Variants in KY observed in about 807,000 individuals in gnomAD.
KY encodes kyphoscoliosis peptidase.
A neutral mutation model predicts 76.1 loss-of-function variants in KY; 43 were observed. The ratio of observed to expected loss-of-function variants is 0.57; its 90% CI spans 0.44 to 0.73. The LOEUF (loss-of-function observed/expected upper bound fraction) is 0.73. Ranked by LOEUF, KY falls within the 30% of genes least tolerant of loss-of-function variation. The probability of loss-of-function intolerance (pLI) is 0.00; values close to 1 mark genes in which losing one functional copy is unlikely to be tolerated. For missense variants in KY, 722 were observed against 828.9 expected (o/e 0.87, Z 1.58); for synonymous variants, 277 against 326.2 (o/e 0.85, Z 1.63).
chr3:134,643,849 C>G (rs1023045949), intron 2 of KY, among the ~76,000 whole-genome samples: 17 of 130,698 alleles, frequency 1.3e-4, no homozygotes, highest in Admixed American at 1.2e-3. Flanking sequence ...TTTTTTGAGA[C>G]GGAGTCTCGC....
intron 1 of KY, among the ~76,000 whole-genome samples, chr3:134,649,024 T>G (rs775325492): frequency 1.3e-5 from 2 of 152,196 alleles, no homozygotes; most frequent in Non-Finnish European, 2.9e-5. Context: ...GGAAAGGGTC[T>G]GCAGGCTGGC....
chr3:134,616,594 A>G (rs537410999), intron 8 of KY, among the ~76,000 whole-genome samples: 4 of 152,322 alleles, frequency 2.6e-5, no homozygotes, highest in Admixed American at 1.3e-4. Flanking sequence ...CAGTGTGAGG[A>G]ATTTTGCACA....
chr3:134,627,461 T>A (rs1963607196), intron 5 of KY, among the ~76,000 whole-genome samples: 2 of 152,226 alleles, frequency 1.3e-5, no homozygotes, highest in Admixed American at 6.5e-5. Context: ...CATTTAAAGT[T>A]AACATAATCC....
At chr3:134,628,080 C>T in intron 4 of KY, 1 of 538,452 alleles carries the variant, frequency 1.9e-6, no homozygotes, top group Non-Finnish European at 3.4e-6. Context: ...TTAGTATTTG[C>T]TCTGACCTAA....
intron 8 of KY, among the ~76,000 whole-genome samples, chr3:134,611,586 C>T (rs1476899253): frequency 6.6e-6 from 1 of 152,252 alleles, no homozygotes; most frequent in Non-Finnish European, 1.5e-5. Context: ...GTAATAGATA[C>T]ACAACCTGTG....
intron 1 of KY, among the ~76,000 whole-genome samples, chr3:134,648,116 T>C (rs1042151081): frequency 6.6e-6 from 1 of 152,224 alleles, no homozygotes; most frequent in African/African-American, 2.4e-5. Context: ...GTCGAGTTCC[T>C]GGCACAGCAT....
chr3:134,618,099 G>A (rs1253021166), intron 8 of KY, among the ~76,000 whole-genome samples: 1 of 152,132 alleles, frequency 6.6e-6, no homozygotes, highest in Non-Finnish European at 1.5e-5. Flanking sequence ...GGCCTTGAAA[G>A]TGAGAAAAGG....
intron 10 of KY, chr3:134,607,400 C>T (rs943139756): frequency 1.0e-6 from 1 of 985,596 alleles, no homozygotes. Flanking sequence ...GGTTGGAGCT[C>T]CCCAGGGGCT....
intron 5 of KY, among the ~76,000 whole-genome samples, chr3:134,625,593 C>T (rs4435681): frequency 0.61 from 92,893 of 152,114 alleles, 29,030 homozygotes; most frequent in East Asian, 0.87. Context: ...GCCACAGCCA[C>T]GGCCCTGGGG....
rs1008461300 is a variant in KY at position 134,610,322 on chromosome 3, C to T, written c.772G>A (p.Gly258Arg). ...TCAAACTCCCCCGAGAAGCTCTGCC[C>T]TGTCTGGTAGCCGAAACCCTTGGAG... Reference protein sequence around the residue: ...GYSKGFGYQTGQSFSGEFDHA... With the variant: ...GYSKGFGYQTRQSFSGEFDHA... Residue 258 changes from glycine (G) to arginine (R), a missense_variant, in exon 9 of 11, where the codon GGG becomes AGG. Physicochemically the swap from Gly to Arg is moderately radical, Grantham distance 125. This residue lies in a region of KY where 552 missense variants were observed against 680.9 expected (regional missense o/e 0.81). Coordinates refer to ENST00000423778, the MANE Select transcript of KY (RefSeq NM_178554.6). 1.2e-6 allele frequency: 2 copies of T among 1,613,764 alleles called. No homozygotes were observed. Among genetic ancestry groups the T allele is most frequent in the African/African-American group, 2.7e-5 (2 of 74,912 alleles).
intron 1 of KY, among the ~76,000 whole-genome samples, chr3:134,650,567 C>T (rs1966856839): frequency 6.6e-6 from 1 of 152,160 alleles, no homozygotes; most frequent in Non-Finnish European, 1.5e-5. Flanking sequence ...AAAAAGACTC[C>T]CAGGGGTGAC....
In KY at chr3:134,620,741, G is replaced by T. The variant is rs1962463139; in HGVS notation, c.592+8C>A. On this transcript the variant is annotated splice_region_variant and intron_variant, in intron 7 of 10. Transcript: ENST00000423778. ...TTCTAGAGCCAGAAATTCCACAGGG[G>T]GGCCTACCTATGTGATGGCAGATCC... The T allele has an allele frequency of 1.2e-6, 2 of 1,605,674 alleles. No individual in the cohort carries two copies. Among genetic ancestry groups the T allele is most frequent in the South Asian group, 2.2e-5 (2 of 90,490 alleles).
chr3:134,613,697 G>C (rs776191856), intron 8 of KY, among the ~76,000 whole-genome samples: 1 of 152,260 alleles, frequency 6.6e-6, no homozygotes, highest in African/African-American at 2.4e-5. Flanking sequence ...TGCCATGCTT[G>C]ACTCTGATAT....
intron 8 of KY, among the ~76,000 whole-genome samples, chr3:134,616,684 T>G (rs74331636): frequency 0.018 from 2,682 of 152,290 alleles, 79 homozygotes; most frequent in African/African-American, 0.06. Flanking sequence ...CAGGCCAGAA[T>G]AGGGCCATTG....
Position 134,629,810 on chromosome 3 carries a change from T to G in KY, c.263-115A>C, listed in dbSNP as rs1467953833. ...TAGTTTTAGAACTTTCTTTTGTGTGTACAAATCATCCTTGTTTTTTTCTTT... is the reference window on the plus strand; with the variant it reads ...TAGTTTTAGAACTTTCTTTTGTGTGGACAAATCATCCTTGTTTTTTTCTTT... On this transcript the variant is annotated intron_variant, in intron 3 of 10. Coordinates refer to ENST00000423778, the MANE Select transcript of KY (RefSeq NM_178554.6). 36 of 672,046 alleles carry G rather than the reference T, an allele frequency of 5.4e-5. No homozygotes were observed. In the East Asian group the frequency reaches 1.0e-3, roughly 19 times the overall value. 41.6% of individuals were successfully genotyped at this position (672,046 alleles called of 1,614,324 possible).
intron 2 of KY, among the ~76,000 whole-genome samples, chr3:134,644,250 G>A (rs1261079527): frequency 1.3e-5 from 2 of 152,206 alleles, no homozygotes; most frequent in African/African-American, 4.8e-5. Context: ...CGCTACACAC[G>A]TTCTCTCCAC....
chr3:134,643,008 T>A (rs1293418951), intron 3 of KY, among the ~76,000 whole-genome samples: 1 of 152,278 alleles, frequency 6.6e-6, no homozygotes, highest in South Asian at 2.1e-4. Context: ...GGCACATAGT[T>A]AGCATTCAAC....
rs1963047999 is a variant in KY, at chr3:134,623,880, T to C, written c.483+1173A>G. Among the ~76,000 whole-genome samples, 3 of 152,220 alleles carry C rather than the reference T, an allele frequency of 2.0e-5. 1 individual carries two copies. The highest frequency in any genetic ancestry group is 7.2e-5 in the African/African-American group (3 of 41,534). The stretch of plus-strand genomic sequence containing the variant: ...CCTTCCTGGCCTTGCCCCAGCCCCT[T>C]TGATGGCTCCAGGCCCTATGGGCTT... On this transcript the variant is annotated intron_variant, in intron 6 of 10. Coordinates refer to ENST00000423778, the MANE Select transcript of KY (RefSeq NM_178554.6).
At chr3:134,626,149 G>A (rs1418973185) in intron 5 of KY, among the ~76,000 whole-genome samples, 4 of 152,244 alleles carry the variant, frequency 2.6e-5, no homozygotes, top group Non-Finnish European at 4.4e-5. Context: ...GACAGGATGG[G>A]GGTGGGAAGA....
Sources: allele counts gnomAD v4.1 joint callset (sites outside exome capture counted in the v4.1 genomes callset), GRCh38; gene constraint gnomAD v4.1.1; regional missense constraint gnomAD v4.1.1; transcripts MANE v1.5; gene names NCBI Gene and HGNC (gene_info 2026-07-23, HGNC 2026-07-21).